ADGRG4: variants seen among roughly 807,000 people sequenced by gnomAD.
The protein encoded by ADGRG4 is G protein-coupled receptor 112.
A neutral mutation model predicts 126.2 loss-of-function variants in ADGRG4; 122 were observed. The observed-to-expected ratio is 0.97, with a 90% CI of 0.83 to 1.12. The LOEUF is 1.12. Among genes scored for constraint, ADGRG4 ranks in the 50% most tolerant of loss-of-function variants. The pLI is 0.00. For missense variants in ADGRG4, 2,481 were observed against 2,251.8 expected, an observed-to-expected ratio of 1.10 and a Z score of -2.06; for synonymous variants, 943 against 838.7, an observed-to-expected ratio of 1.12 and a Z score of -2.15.
intron 22 of ADGRG4, among the ~76,000 whole-genome samples, chrX:136,405,332 G>A (rs1032244380): frequency 6.4e-5 from 7 of 110,231 alleles, no homozygotes; most frequent in East Asian, 2.8e-4. Context: ...GTGCGGGGGC[G>A]GTGTGGGGAG....
At chrX:136,378,807 T>C (rs2075243065) in intron 15 of ADGRG4, among the ~76,000 whole-genome samples, 1 of 112,006 alleles carries the variant, frequency 8.9e-6, no homozygotes, top group African/African-American at 3.2e-5. Context: ...GATTTTAAAA[T>C]ATTAAGCCAA....
rs1284694915 is a variant in ADGRG4, at chrX:136,387,732, C to T, written c.7777-8C>T. 1 of 1,199,984 alleles carries T rather than the reference C, an allele frequency of 8.3e-7. No individual in the cohort carries two copies. The highest frequency in any genetic ancestry group is 2.3e-4 in the Middle Eastern group (1 of 4,291). On this transcript the variant is annotated splice_polypyrimidine_tract_variant and splice_region_variant and intron_variant, in intron 15 of 25. Transcript: ENST00000394143. ...CTCCAATTTTCATTTTTTGGCTTTT[C>T]TTGGCAGATTTTCCTAGGCAATGTC...
At chrX:136,365,810 G>A (rs1198620776) in intron 13 of ADGRG4, among the ~76,000 whole-genome samples, 1 of 111,610 alleles carries the variant, frequency 9.0e-6, no homozygotes, top group Non-Finnish European at 1.9e-5. Context: ...TTAGTAATTT[G>A]TGTCTTCACT....
intron 22 of ADGRG4, among the ~76,000 whole-genome samples, chrX:136,403,826 G>A (rs773564285): frequency 2.7e-5 from 3 of 112,011 alleles, no homozygotes; most frequent in South Asian, 3.7e-4. Context: ...TTGTCCTCTT[G>A]TTTCTTTTCA....
intron 23 of ADGRG4, among the ~76,000 whole-genome samples, chrX:136,409,266 G>A (rs1212687654): frequency 8.9e-6 from 1 of 111,842 alleles, no homozygotes; most frequent in African/African-American, 3.3e-5. Flanking sequence ...TAAAAATGCA[G>A]GTGACAAAAA....
rs1439727090 is a variant in ADGRG4, at chrX:136,350,241, C to A, written c.6535C>A (p.Leu2179Ile). ...IIPKPTLDSL[L>I]NIMTTTSTVP... ...TCCTAAGCCCACACTGGACTCCCTT[C>A]TAAATATAATGACTACTACATCCAC... Residue 2179 changes from leucine (L) to isoleucine (I), a missense_variant, in exon 6 of 26, where the codon CTA becomes ATA. Coordinates refer to ENST00000394143, the MANE Select transcript of ADGRG4 (RefSeq NM_153834.4). 8.3e-6 allele frequency: 10 copies of A among 1,206,449 alleles called. No homozygotes were observed. Among genetic ancestry groups the A allele is most frequent in the Non-Finnish European group, 1.1e-5 (10 of 891,985 alleles).
chrX:136,302,022 T>C (rs781037706), intron 1 of ADGRG4, among the ~76,000 whole-genome samples: 2 of 112,370 alleles, frequency 1.8e-5, no homozygotes, highest in South Asian at 7.4e-4. Context: ...GCATGATGCC[T>C]CCAGCTTTGT....
At chrX:136,375,085 C>T (rs2075217687) in intron 15 of ADGRG4, among the ~76,000 whole-genome samples, 1 of 110,793 alleles carries the variant, frequency 9.0e-6, no homozygotes, top group Non-Finnish European at 1.9e-5. Context: ...ATTCTTATGC[C>T]TTTGTGTCCC....
intron 25 of ADGRG4, among the ~76,000 whole-genome samples, chrX:136,414,550 T>C (rs1038447273): frequency 8.9e-6 from 1 of 112,430 alleles, no homozygotes; most frequent in Non-Finnish European, 1.9e-5. Flanking sequence ...TTAGTAAGTA[T>C]GAATGTGTTA....
In ADGRG4 at chrX:136,304,955, A is replaced by G. The variant is rs912102425; in HGVS notation, c.-78A>G. 1.8e-5 allele frequency: 2 copies of G among 112,238 alleles called. No individual in the cohort carries two copies. The highest frequency in any genetic ancestry group is 3.2e-5 in the African/African-American group (1 of 30,878). 9.2% of individuals were successfully genotyped at this position (112,238 alleles called of 1,213,427 possible). On this transcript the variant is annotated 5_prime_UTR_variant, in exon 3 of 26. Coordinates refer to ENST00000394143, the MANE Select transcript of ADGRG4 (RefSeq NM_153834.4). Reference sequence around the variant, plus strand: ...CCTTGACAGAAGCAGTGGTGCTGGAACCTGGTGCTAGGCGCTGGGCCAAGC... The same window carrying G: ...CCTTGACAGAAGCAGTGGTGCTGGAGCCTGGTGCTAGGCGCTGGGCCAAGC...
At position 136,367,429 on chromosome X, in the gene ADGRG4, C is replaced by T. The variant is rs975736404; in HGVS notation, c.7396+3834C>T. On this transcript the variant is annotated intron_variant, in intron 13 of 25. Coordinates refer to ENST00000394143, the MANE Select transcript of ADGRG4 (RefSeq NM_153834.4). ...TTTGTGTTTCACACTGACCTCCGTC[C>T]TTCTGAGTGACACATTTTCTTTAGA... Among the ~76,000 whole-genome samples, 56 of 112,480 alleles carry T rather than the reference C, an allele frequency of 5.0e-4. No homozygotes were observed. In the Admixed American group the frequency reaches 5.3e-3, roughly 11 times the overall value.
rs890190435 is a variant in ADGRG4 at position 136,346,069 on chromosome X, T to C, written c.2363T>C (p.Ile788Thr). The C allele has an allele frequency of 8.3e-7, 1 of 1,209,449 alleles. No individual in the cohort carries two copies. Among genetic ancestry groups the C allele is most frequent in the Non-Finnish European group, 1.1e-6 (1 of 894,094 alleles). ...PRETVVPSVD[I>T]ISTLACIQPN... The stretch of plus-strand genomic sequence containing the variant: ...GAGACTGTTGTTCCATCAGTAGATA[T>C]AATATCTACTCTTGCTTGCATTCAA... The change falls in exon 6 of 26, where the codon ATA (isoleucine) becomes ACA (threonine). Residue 788 changes from isoleucine to threonine, a missense_variant. By Grantham distance (89) the Ile-to-Thr change is moderately conservative. Transcript: ENST00000394143.
chrX:136,349,896 A>C lies in ADGRG4; in HGVS notation c.6190A>C (p.Met2064Leu), dbSNP rs763723310. ...TNLTTLPSAT[M>L]STILTRTIPT... ...CTTGACAACACTACCCTCTGCTACTATGAGCACCATACTCACCCGAACCAT... is the reference window on the plus strand; with the variant it reads ...CTTGACAACACTACCCTCTGCTACTCTGAGCACCATACTCACCCGAACCAT... The change falls in exon 6 of 26, where the codon ATG (methionine) becomes CTG (leucine). Residue 2064 changes from methionine (M) to leucine (L), a missense_variant. Coordinates refer to ENST00000394143, the MANE Select transcript of ADGRG4 (RefSeq NM_153834.4). 1.7e-5 allele frequency: 21 copies of C among 1,210,580 alleles called. No individual in the cohort carries two copies. The highest frequency in any genetic ancestry group is 2.1e-5 in the Non-Finnish European group (19 of 894,730).
chrX:136,354,839 G>A (rs2075083769), intron 8 of ADGRG4, among the ~76,000 whole-genome samples: 1 of 111,822 alleles, frequency 8.9e-6, no homozygotes, highest in Non-Finnish European at 1.9e-5. Flanking sequence ...GTAAGGCGAG[G>A]TAAGGGACAA....
Position 136,348,838 on chromosome X carries a change from A to G in ADGRG4, c.5132A>G (p.Glu1711Gly). 8.3e-7 allele frequency: 1 copy of G among 1,209,759 alleles called. No individual in the cohort carries two copies. Among genetic ancestry groups the G allele is most frequent in the Non-Finnish European group, 1.1e-6 (1 of 894,824 alleles). The change falls in exon 6 of 26, where the codon GAG becomes GGG. Residue 1711 changes from glutamate to glycine, a missense_variant. Transcript: ENST00000394143. The stretch of plus-strand genomic sequence containing the variant: ...ACTCAACAGTCATCACAAGCAGATG[A>G]GGCTACAACTTTGGGCATATTATCT... ...SATQQSSQAD[E>G]ATTLGILSGI...
intron 11 of ADGRG4, among the ~76,000 whole-genome samples, chrX:136,359,678 G>T (rs182900816): frequency 1.8e-5 from 2 of 111,089 alleles, no homozygotes; most frequent in East Asian, 5.6e-4. Flanking sequence ...CTGCTGGTCA[G>T]CTCTGGATAT....
chrX:136,337,831 G>C (rs2074956428), intron 5 of ADGRG4, among the ~76,000 whole-genome samples: 1 of 111,823 alleles, frequency 8.9e-6, no homozygotes, highest in African/African-American at 3.2e-5. Flanking sequence ...GAATCTCTAG[G>C]TTTGTGTCTT....
intron 4 of ADGRG4, among the ~76,000 whole-genome samples, chrX:136,318,819 T>A (rs1351673142): frequency 8.0e-5 from 9 of 112,469 alleles, no homozygotes; most frequent in Non-Finnish European, 1.3e-4. Context: ...TTCATCTTTT[T>A]ACTTGCTAAT....
intron 13 of ADGRG4, among the ~76,000 whole-genome samples, chrX:136,369,527 T>C (rs2148480389): frequency 8.9e-6 from 1 of 112,134 alleles, no homozygotes; most frequent in East Asian, 2.8e-4. Context: ...TGGCCTGCTG[T>C]TTACTTTCAT....
Sources: gnomAD v4.1 joint callset for allele counts (sites outside exome capture counted in the v4.1 genomes callset) on GRCh38, gnomAD v4.1.1 for gene constraint, MANE v1.5 for transcripts, NCBI Gene and HGNC (gene_info 2026-07-23, HGNC 2026-07-21) for gene names.